Variants in LUZP2 observed in about 807,000 individuals in gnomAD.
The protein encoded by LUZP2 is leucine zipper protein 2.
In LUZP2, 52 loss-of-function variants were observed where a neutral mutation model predicts 51.6. That is an observed-to-expected ratio of 1.01 (90% CI 0.81 to 1.27). LUZP2 has a LOEUF of 1.27. Ranked by LOEUF, LUZP2 falls within the 50% of genes most tolerant of loss-of-function variation. The pLI, the probability that LUZP2 is intolerant of heterozygous loss-of-function variation, is 0.00. For synonymous variants in LUZP2, 154 were observed against 137.3 expected (o/e 1.12, Z -0.85); for missense variants, 436 against 395.4 (o/e 1.10, Z -0.87).
chr11:24,606,565 T>C (rs1853925885), intron 1 of LUZP2, among the ~76,000 whole-genome samples: 1 of 152,020 alleles, frequency 6.6e-6, no homozygotes, highest in Non-Finnish European at 1.5e-5. Flanking sequence ...CTTAGGTGTT[T>C]TCATATCTTG....
At chr11:24,587,539 A>G (rs866539994) in intron 1 of LUZP2, among the ~76,000 whole-genome samples, 1 of 152,092 alleles carries the variant, frequency 6.6e-6, no homozygotes, top group East Asian at 1.9e-4. Context: ...CCACCTATAA[A>G]TCCTAGCACT....
Position 24,637,198 on chromosome 11 carries a change from G to A in LUZP2, c.63-91971G>A, listed in dbSNP as rs146885958. On this transcript the variant is annotated intron_variant, in intron 1 of 11. Coordinates refer to ENST00000336930, the MANE Select transcript of LUZP2 (RefSeq NM_001009909.4). ...GTCAGGGACCCCGAACAGAGAGATC[G>A]GCTGGAGCCTAGGAAGAAGAACATA... Among the ~76,000 whole-genome samples the A allele has an allele frequency of 5.1e-3, 767 of 151,750 alleles. 4 individuals are homozygous for A. The highest frequency in any genetic ancestry group is 7.3e-3 in the Non-Finnish European group (497 of 67,984).
At chr11:24,769,319 G>A (rs1860314281) in intron 5 of LUZP2, among the ~76,000 whole-genome samples, 1 of 152,238 alleles carries the variant, frequency 6.6e-6, no homozygotes, top group Non-Finnish European at 1.5e-5. Flanking sequence ...GCGTCTTATT[G>A]CACAGTAGGA....
chr11:24,538,474 T>C (rs1247072701), intron 1 of LUZP2, among the ~76,000 whole-genome samples: 1 of 151,752 alleles, frequency 6.6e-6, no homozygotes, highest in Non-Finnish European at 1.5e-5. Flanking sequence ...CCTGGGGTGA[T>C]AAAAGTTTTC....
At chr11:24,529,798 CTG>C (rs2133821423) in intron 1 of LUZP2, among the ~76,000 whole-genome samples, 1 of 150,874 alleles carries the variant, frequency 6.6e-6, no homozygotes, top group Non-Finnish European at 1.5e-5. Flanking sequence ...CTGTCAAAAA[CTG>C]TATAAACAAA....
intron 9 of LUZP2, among the ~76,000 whole-genome samples, chr11:25,018,990 A>C (rs576515668): frequency 6.6e-6 from 1 of 152,258 alleles, no homozygotes; most frequent in African/African-American, 2.4e-5. Flanking sequence ...GAGAGTTCCC[A>C]AAATTTTGCT....
At chr11:25,075,672 T>G (rs1156950) in intron 10 of LUZP2, among the ~76,000 whole-genome samples, 1 of 151,770 alleles carries the variant, frequency 6.6e-6, no homozygotes, top group Non-Finnish European at 1.5e-5. Flanking sequence ...AAAAGATAAA[T>G]TATGGCAGAA....
In LUZP2 at chr11:24,835,112, T is replaced by C. The variant is rs142499026; in HGVS notation, c.397-70879T>C. On this transcript the variant is annotated intron_variant, in intron 5 of 11. Coordinates refer to ENST00000336930, the MANE Select transcript of LUZP2 (RefSeq NM_001009909.4). ...CATGATACTGGTACCAAAACAGATA[T>C]ATAGACAAATGGAATAGAACAGAGA... Among the ~76,000 whole-genome samples, 1,098 of 152,158 alleles carry C rather than the reference T, an allele frequency of 7.2e-3. 9 individuals carry two copies. The highest frequency in any genetic ancestry group is 0.013 in the Non-Finnish European group (861 of 67,982).
chr11:24,823,319 G>A (rs1387516373), intron 5 of LUZP2, among the ~76,000 whole-genome samples: 5 of 151,206 alleles, frequency 3.3e-5, no homozygotes, highest in Non-Finnish European at 5.9e-5. Context: ...TCAAGTCTTG[G>A]TGTGTTTTAG....
intron 9 of LUZP2, among the ~76,000 whole-genome samples, chr11:24,986,904 A>G (rs545241517): frequency 6.6e-6 from 1 of 151,974 alleles, no homozygotes; most frequent in South Asian, 2.1e-4. Context: ...TTTGGTGTTT[A>G]TATTTGCATA....
At chr11:24,813,858 C>A (rs1000766156) in intron 5 of LUZP2, among the ~76,000 whole-genome samples, 13 of 152,214 alleles carry the variant, frequency 8.5e-5, no homozygotes, top group Admixed American at 6.5e-5. Flanking sequence ...AATGATCCCA[C>A]AAACTTATGT....
rs1859443118 is a variant in LUZP2 at position 25,080,977 on chromosome 11, A to G, written c.*2319A>G. 6.6e-6 allele frequency: 1 copy of G among 151,112 alleles called. No homozygotes were observed. The allele number at this position is 151,112 out of a possible 1,614,324, so 9.4% of individuals were successfully genotyped here. ...AAGTTGTTTTTGTTCTGTATATTCT[A>G]AATTCCTTTTATTAATTCCTGGCTT... is the stretch of plus-strand genomic sequence containing the variant. On this transcript the variant is annotated 3_prime_UTR_variant, in exon 12 of 12. Coordinates refer to ENST00000336930, the MANE Select transcript of LUZP2 (RefSeq NM_001009909.4).
chr11:24,691,297 A>C (rs372569891), intron 1 of LUZP2, among the ~76,000 whole-genome samples: 44 of 152,152 alleles, frequency 2.9e-4, no homozygotes, highest in African/African-American at 1.0e-3. Flanking sequence ...TTCCCTTAAA[A>C]AAATTTACAT....
At chr11:24,513,159 T>C (rs928421145) in intron 1 of LUZP2, among the ~76,000 whole-genome samples, 1 of 152,352 alleles carries the variant, frequency 6.6e-6, no homozygotes, top group African/African-American at 2.4e-5. Context: ...AAATCATGTT[T>C]TCTTTCAAAA....
At chr11:24,804,714 A>G (rs1376708821) in intron 5 of LUZP2, among the ~76,000 whole-genome samples, 1 of 152,148 alleles carries the variant, frequency 6.6e-6, no homozygotes, top group Non-Finnish European at 1.5e-5. Context: ...AAATTCTTTT[A>G]TTGCCTGCTT....
chr11:24,742,757 G>C (rs1056480160), intron 4 of LUZP2, among the ~76,000 whole-genome samples: 1 of 152,050 alleles, frequency 6.6e-6, no homozygotes, highest in Non-Finnish European at 1.5e-5. Flanking sequence ...TCTTTGTTAT[G>C]AGAGCCTTGC....
intron 1 of LUZP2, among the ~76,000 whole-genome samples, chr11:24,641,218 G>A (rs559761797): frequency 6.6e-6 from 1 of 150,960 alleles, no homozygotes; most frequent in African/African-American, 2.5e-5. Flanking sequence ...CCCTGCCAAC[G>A]TTTTCTAATT....
chr11:24,712,694 T>G (rs1039324443), intron 1 of LUZP2, among the ~76,000 whole-genome samples: 1 of 152,148 alleles, frequency 6.6e-6, no homozygotes, highest in Admixed American at 6.5e-5. Flanking sequence ...CATGGACAGA[T>G]TACCATATTT....
chr11:24,524,375 C>T (rs755489966), intron 1 of LUZP2, among the ~76,000 whole-genome samples: 1 of 151,684 alleles, frequency 6.6e-6, no homozygotes, highest in Non-Finnish European at 1.5e-5. Context: ...TTTGGTAAAA[C>T]ATGCTGACTA....
Sources: allele counts gnomAD v4.1 joint callset (sites outside exome capture counted in the v4.1 genomes callset), GRCh38; gene constraint gnomAD v4.1.1; transcripts MANE v1.5; gene names NCBI Gene and HGNC (gene_info 2026-07-23, HGNC 2026-07-21).